Variants in FMNL3 observed in about 807,000 individuals in gnomAD.
The protein encoded by FMNL3 is formin-like protein 3.
Under a neutral mutation model 119.6 loss-of-function variants are expected in FMNL3, and 57 were observed. That is an observed-to-expected ratio of 0.48 (90% CI 0.39 to 0.59). FMNL3 has a LOEUF of 0.59. Ranked by LOEUF, FMNL3 falls within the 20% of genes least tolerant of loss-of-function variation. The pLI is 0.00. For missense variants in FMNL3, 1,053 were observed against 1,323.5 expected (o/e 0.80, Z 3.17); for synonymous variants, 491 against 507.3 (o/e 0.97, Z 0.43).
rs1286690762 is a variant in FMNL3, at chr12:49,649,420, C to CA, written c.2304+49dup. ...TCCTCTCTGTATAGCCCCAGGCCCC[C>CA]ACCTAGGACCTGAAAACCCCCAGCA... On this transcript the variant is annotated intron_variant, in intron 19 of 25. Coordinates refer to ENST00000335154, the MANE Select transcript of FMNL3 (RefSeq NM_175736.5). This position sits in a 1 kb window ranked among gnomAD's most constrained non-coding sequence, Gnocchi z 5.6. The CA allele has an allele frequency of 6.2e-7, 1 of 1,612,254 alleles. No homozygotes were observed. The highest frequency in any genetic ancestry group is 1.3e-5 in the African/African-American group (1 of 74,898).
At chr12:49,654,841 A>T in intron 10 of FMNL3, 69 bp downstream of exon 10, 1 of 1,444,660 alleles carries the variant, frequency 6.9e-7, no homozygotes, top group South Asian at 1.2e-5. Context: ...TGTTGGCCTC[A>T]CCCCTGTTGT....
chr12:49,652,902 G>A (rs1356366938), intron 13 of FMNL3, among the ~76,000 whole-genome samples: 1 of 152,158 alleles, frequency 6.6e-6, no homozygotes, highest in Non-Finnish European at 1.5e-5. Flanking sequence ...AAACATGGCT[G>A]GGGGAGGAAC....
chr12:49,701,411 G>A (rs537203394), intron 1 of FMNL3, among the ~76,000 whole-genome samples: 4 of 152,080 alleles, frequency 2.6e-5, no homozygotes, highest in African/African-American at 7.2e-5. Context: ...AAACCATTTG[G>A]AAACAAAAAC....
At position 49,637,699 on chromosome 12, in the gene FMNL3, CG is replaced by C; in HGVS notation, c.*8115del. On this transcript the variant is annotated 3_prime_UTR_variant, in exon 26 of 26. Coordinates refer to ENST00000335154, the MANE Select transcript of FMNL3 (RefSeq NM_175736.5). ...CAGCCCCCAGGCCTTGGGAAGCTGC[CG>C]CCCGCCAGGCCCCCCTCCCTCCCTC... 6.6e-7 allele frequency: 1 copy of C among 1,506,422 alleles called. No homozygotes were observed. Among genetic ancestry groups the C allele is most frequent in the Non-Finnish European group, 9.1e-7 (1 of 1,095,392 alleles). 93.3% of individuals were successfully genotyped at this position (1,506,422 alleles called of 1,614,324 possible).
intron 6 of FMNL3, 36 bp from the exon 7 acceptor site, chr12:49,657,226 AG>A: frequency 6.6e-7 from 1 of 1,511,900 alleles, no homozygotes; most frequent in Non-Finnish European, 9.2e-7. Context: ...GTGGGAGCTG[AG>A]GCTGCCAGTG....
chr12:49,668,626 A>C, intron 1 of FMNL3, 72 bp from the exon 2 acceptor site: 1 of 1,370,846 alleles, frequency 7.3e-7, no homozygotes. Context: ...TAGACTGCCC[A>C]CACCTTTCTG....
At chr12:49,663,980 G>A (rs1943814070) in intron 4 of FMNL3, among the ~76,000 whole-genome samples, 1 of 152,088 alleles carries the variant, frequency 6.6e-6, no homozygotes, top group African/African-American at 2.4e-5. Context: ...CAGGCACGGT[G>A]GCTCACATCT....
At chr12:49,659,925 G>A in intron 5 of FMNL3, 1 of 985,454 alleles carries the variant, frequency 1.0e-6, no homozygotes, top group Non-Finnish European at 1.2e-6. Context: ...ATTCTGCTCA[G>A]ACATGGGGTC....
intron 1 of FMNL3, among the ~76,000 whole-genome samples, chr12:49,694,912 CA>C (rs1211645905): frequency 2.2e-4 from 31 of 140,788 alleles, no homozygotes; most frequent in East Asian, 2.0e-4. Context: ...AACTCCGTCT[CA>C]AAAAAAAAAA....
At position 49,642,359 on chromosome 12, in the gene FMNL3, C is replaced by G. The variant is rs1942791484; in HGVS notation, c.*3456G>C. ...GCTGTGCCTGCTCTGGAGCTAGGCA[C>G]TGCCTGGGAAGAGGTCAGGAGCGTA... On this transcript the variant is annotated 3_prime_UTR_variant, in exon 26 of 26. Transcript: ENST00000335154. This position sits in a 1 kb window ranked among gnomAD's most constrained non-coding sequence, Gnocchi z 5.8. 1 of 1,613,764 alleles carries G rather than the reference C, an allele frequency of 6.2e-7. No individual in the cohort carries two copies. The highest frequency in any genetic ancestry group is 1.3e-5 in the African/African-American group (1 of 74,936).
chr12:49,704,710 CAAAAAAAAAAAAAAAAA>C (rs59799899), intron 1 of FMNL3, among the ~76,000 whole-genome samples: 1 of 37,778 alleles, frequency 2.6e-5, no homozygotes, highest in African/African-American at 5.5e-5. Context: ...AACTCCATCT[CAAAAAAAAAAAAAAAAA>C]AAAAAAAAAG....
Position 49,707,072 on chromosome 12 carries a change from T to A in FMNL3, c.109A>T (p.Arg37Trp). The change falls in exon 1 of 26, where the codon AGG (arginine) becomes TGG (tryptophan). Residue 37 changes from arginine (R) to tryptophan (W), a missense_variant. Transcript: ENST00000335154. ...GCTCTCACCAGCACCAGGGCGAACC[T>A]TTCCTCCAGCTCACAGGGCTCAGGC... The part of the protein sequence containing the change: ...PMPEPCELEE[R>W]FALVLSSMNL... The A allele has an allele frequency of 1.3e-6, 2 of 1,589,588 alleles. No individual in the cohort carries two copies. The highest frequency in any genetic ancestry group is 1.7e-6 in the Non-Finnish European group (2 of 1,169,450).
chr12:49,669,831 CAACAAAACAAAACAAAACAAAACAA>C (rs58452472), intron 1 of FMNL3, among the ~76,000 whole-genome samples: 3 of 147,600 alleles, frequency 2.0e-5, no homozygotes, highest in Admixed American at 1.3e-4. Flanking sequence ...GATTCTATCT[CAACAAAACAAAACAAAACAAAACAA>C]AACAAAACAA....
intron 1 of FMNL3, among the ~76,000 whole-genome samples, chr12:49,697,119 C>T (rs1944771453): frequency 6.6e-6 from 1 of 152,228 alleles, no homozygotes; most frequent in Non-Finnish European, 1.5e-5. Flanking sequence ...TGACAGATCT[C>T]TCAAACATAT....
rs778622208 is a variant in FMNL3, at chr12:49,650,834, C to A, written c.1842G>T (p.Ala614=). The A allele has an allele frequency of 1.2e-6, 2 of 1,614,190 alleles. No individual in the cohort carries two copies. The highest frequency in any genetic ancestry group is 2.2e-5 in the South Asian group (2 of 91,082). The change falls in exon 17 of 26, where the codon GCG becomes GCT. Residue 614 remains alanine (A), a synonymous_variant. Coordinates refer to ENST00000335154, the MANE Select transcript of FMNL3 (RefSeq NM_175736.5). ...DKFEELFKTK[A]QGPALDLICS... is the part of the protein sequence containing the mutation. ...AGATGAGGTCAAGGGCAGGGCCCTG[C>A]GCTTTTGTCTTGAATAATTCTTCAA...
chr12:49,673,622 T>C (rs757547159), intron 1 of FMNL3, among the ~76,000 whole-genome samples: 1 of 152,284 alleles, frequency 6.6e-6, no homozygotes, highest in Non-Finnish European at 1.5e-5. Flanking sequence ...TACCAGCTCC[T>C]GCTGCCTTGG....
In FMNL3 at chr12:49,643,202, TG is replaced by T; in HGVS notation, c.*2612del. 1 of 1,613,508 alleles carries T rather than the reference TG, an allele frequency of 6.2e-7. No individual in the cohort carries two copies. Among genetic ancestry groups the T allele is most frequent in the Non-Finnish European group, 8.5e-7 (1 of 1,179,816 alleles). ...AGGGCAGAGAACCTCTGCACTGACATGTATCTGCTGATCTGCCCAGGGCTCT... is the reference window on the plus strand; with the variant it reads ...AGGGCAGAGAACCTCTGCACTGACATTATCTGCTGATCTGCCCAGGGCTCT... On this transcript the variant is annotated 3_prime_UTR_variant, in exon 26 of 26. Transcript: ENST00000335154.
intron 1 of FMNL3, among the ~76,000 whole-genome samples, chr12:49,704,429 G>A (rs1319388162): frequency 6.6e-6 from 1 of 152,178 alleles, no homozygotes; most frequent in Non-Finnish European, 1.5e-5. Flanking sequence ...AAGCTAATCT[G>A]GCCAGGCACA....
chr12:49,690,996 T>C (rs1944586153), intron 1 of FMNL3, among the ~76,000 whole-genome samples: 1 of 152,202 alleles, frequency 6.6e-6, no homozygotes, highest in Admixed American at 6.5e-5. Flanking sequence ...TGAGCCAAGA[T>C]TGCGCCACTG....
Sources: gnomAD v4.1 joint callset for allele counts (sites outside exome capture counted in the v4.1 genomes callset) on GRCh38, gnomAD v4.1.1 for gene constraint, Gnocchi (gnomAD v3.1) non-coding constraint, MANE v1.5 for transcripts, NCBI Gene and HGNC (gene_info 2026-07-23, HGNC 2026-07-21) for gene names.